PPARGC1A: variants seen among roughly 807,000 people sequenced by gnomAD.
PPARGC1A encodes PPARG coactivator 1 alpha.
PPARGC1A carries 25 observed loss-of-function variants against 88.7 expected under a neutral mutation model. The observed-to-expected ratio is 0.28, with a 90% CI of 0.21 to 0.39. PPARGC1A has a LOEUF of 0.39. Among genes scored for constraint, PPARGC1A ranks in the 10% least tolerant of loss-of-function variants. The pLI is 1.00. For synonymous variants in PPARGC1A, 363 were observed against 355.6 expected (o/e 1.02, Z -0.24); for missense variants, 880 against 968.7 (o/e 0.91, Z 1.22).
the PPARGC1A span, among the ~76,000 whole-genome samples, chr4:23,917,636 A>G: frequency 6.6e-6 from 1 of 151,940 alleles, no homozygotes; most frequent in African/African-American, 2.4e-5. Context: ...CTGTGTTTTC[A>G]TCTTTTCCTG....
the PPARGC1A span, among the ~76,000 whole-genome samples, chr4:24,255,205 T>G: frequency 1.3e-5 from 2 of 152,218 alleles, no homozygotes; most frequent in African/African-American, 2.4e-5. Context: ...GTTCATTTGC[T>G]TAATAAGGAT....
the PPARGC1A span, among the ~76,000 whole-genome samples, chr4:23,990,458 T>C: frequency 3.9e-5 from 6 of 151,988 alleles, no homozygotes; most frequent in Non-Finnish European, 2.9e-5. Context: ...ATAGATTGTG[T>C]TCTTACAGTA....
At chr4:24,039,395 T>C in the PPARGC1A span, among the ~76,000 whole-genome samples, 2 of 152,314 alleles carry the variant, frequency 1.3e-5, no homozygotes, top group South Asian at 4.1e-4. Flanking sequence ...ATAATTGGAA[T>C]ATTGGCATAA....
chr4:24,141,713 A>G, the PPARGC1A span, among the ~76,000 whole-genome samples: 3 of 152,200 alleles, frequency 2.0e-5, no homozygotes, highest in Non-Finnish European at 2.9e-5. Context: ...TTTTTATAGC[A>G]TATCTTGCTT....
At chr4:24,438,181 G>T in the PPARGC1A span, among the ~76,000 whole-genome samples, 1 of 152,196 alleles carries the variant, frequency 6.6e-6, no homozygotes, top group Non-Finnish European at 1.5e-5. Flanking sequence ...CTTGGGGATA[G>T]ATTTGATGTG....
the PPARGC1A span, among the ~76,000 whole-genome samples, chr4:24,140,560 G>T: frequency 6.6e-6 from 1 of 152,112 alleles, no homozygotes; most frequent in Admixed American, 6.5e-5. Flanking sequence ...ACCATTCTTG[G>T]CTCTAGAAAT....
the PPARGC1A span, among the ~76,000 whole-genome samples, chr4:24,186,891 C>G: frequency 6.6e-6 from 1 of 152,200 alleles, no homozygotes; most frequent in African/African-American, 2.4e-5. Context: ...ACCACTGAGG[C>G]TGCTTCTGCA....
the PPARGC1A span, among the ~76,000 whole-genome samples, chr4:24,022,398 A>G: frequency 1.3e-5 from 2 of 151,656 alleles, no homozygotes; most frequent in Non-Finnish European, 2.9e-5. Flanking sequence ...CTGCCTCCCC[A>G]CATACATATC....
Position 23,813,130 on chromosome 4 carries a change from G to A in PPARGC1A, c.1794-5C>T, listed in dbSNP as rs184652793. On this transcript the variant is annotated splice_polypyrimidine_tract_variant and splice_region_variant and intron_variant, in intron 8 of 12. Transcript: ENST00000264867. ...GACTCATAGTAATAGCAGGATCTGC[G>A]CCAGAGGAGAAAAGCAAAAAGGGCA... 293 of 1,613,582 alleles carry A rather than the reference G, an allele frequency of 1.8e-4. No individual in the cohort carries two copies. The highest frequency in any genetic ancestry group is 2.3e-4 in the Admixed American group (14 of 60,010).
the PPARGC1A span, among the ~76,000 whole-genome samples, chr4:24,344,527 C>T: frequency 2.0e-5 from 3 of 151,416 alleles, no homozygotes; most frequent in East Asian, 1.9e-4. Flanking sequence ...TTCATATATT[C>T]GTTGGCCATT....
At chr4:24,243,012 G>T in the PPARGC1A span, among the ~76,000 whole-genome samples, 1 of 152,126 alleles carries the variant, frequency 6.6e-6, no homozygotes, top group Admixed American at 6.5e-5. Context: ...TTTCCTCATT[G>T]CAATTATATT....
At chr4:23,880,825 C>T (rs996563651) in intron 2 of PPARGC1A, 5 of 152,148 alleles carry the variant, frequency 3.3e-5, no homozygotes, top group African/African-American at 1.2e-4. Context: ...TCCTTCTCCC[C>T]CCATCAGCAA....
chr4:23,952,159 C>T, the PPARGC1A span, among the ~76,000 whole-genome samples: 4 of 152,084 alleles, frequency 2.6e-5, no homozygotes, highest in African/African-American at 4.8e-5. Flanking sequence ...CTCTTGGGTT[C>T]GTAGCCTCAT....
chr4:24,230,836 T>G, the PPARGC1A span, among the ~76,000 whole-genome samples: 1 of 151,802 alleles, frequency 6.6e-6, no homozygotes, highest in Non-Finnish European at 1.5e-5. Flanking sequence ...AAGGATGATG[T>G]AGAAAATGGC....
intron 12 of PPARGC1A, among the ~76,000 whole-genome samples, chr4:23,798,582 G>A (rs1297680652): frequency 2.0e-5 from 3 of 152,098 alleles, no homozygotes; most frequent in African/African-American, 7.2e-5. Flanking sequence ...TAATGTATGT[G>A]TCATTTATTT....
At chr4:24,032,984 G>A in the PPARGC1A span, among the ~76,000 whole-genome samples, 2 of 152,266 alleles carry the variant, frequency 1.3e-5, no homozygotes, top group South Asian at 4.2e-4. Context: ...AAAATCCTAG[G>A]AGCACTGGCT....
the PPARGC1A span, among the ~76,000 whole-genome samples, chr4:24,002,093 C>CAG: frequency 2.2e-4 from 30 of 135,772 alleles, no homozygotes; most frequent in East Asian, 2.1e-3. Context: ...CACACACACA[C>CAG]ACACAGAGAG....
At chr4:24,021,680 C>T in the PPARGC1A span, among the ~76,000 whole-genome samples, 3 of 152,168 alleles carry the variant, frequency 2.0e-5, no homozygotes, top group African/African-American at 7.2e-5. Context: ...CCTCTCTGTG[C>T]CACATTCATC....
chr4:23,992,204 C>T, the PPARGC1A span, among the ~76,000 whole-genome samples: 1 of 151,840 alleles, frequency 6.6e-6, no homozygotes, highest in African/African-American at 2.4e-5. Context: ...TAGCTCTGCA[C>T]TAGTACAGAA....
Sources: allele counts gnomAD v4.1 joint callset (sites outside exome capture counted in the v4.1 genomes callset), GRCh38; gene constraint gnomAD v4.1.1; transcripts MANE v1.5; gene names NCBI Gene and HGNC (gene_info 2026-07-23, HGNC 2026-07-21).